KLHL6: variants seen among roughly 807,000 people sequenced by gnomAD.
The protein encoded by KLHL6 is kelch like family member 6.
KLHL6 carries 41 observed loss-of-function variants against 58.6 expected under a neutral mutation model. The observed-to-expected ratio is 0.70, with a 90% confidence interval of 0.55 to 0.91. The LOEUF (loss-of-function observed/expected upper bound fraction) is 0.91. Ranked by LOEUF, KLHL6 falls within the 40% of genes least tolerant of loss-of-function variation. KLHL6 has a pLI of 0.00. For missense variants in KLHL6, 714 were observed against 805.6 expected (o/e 0.89, Z 1.38); for synonymous variants, 338 against 322.7 (o/e 1.05, Z -0.51).
chr3:183,527,931 T>C lies in KLHL6; in HGVS notation c.373A>G (p.Thr125Ala), dbSNP rs774665982. The C allele has an allele frequency of 1.2e-6, 2 of 1,613,968 alleles. No individual in the cohort carries two copies. The highest frequency in any genetic ancestry group is 2.2e-5 in the South Asian group (2 of 91,068). The stretch of plus-strand genomic sequence containing the variant: ...CTGGTGTACGTGTAGTCCAACAGAG[T>C]GTGCATGGTCTCAGCATCAACCCCT... Reference protein sequence around the residue: ...IKGVDAETMHTLLDYTYTSKA... With the variant: ...IKGVDAETMHALLDYTYTSKA... The change falls in exon 2 of 7, where the codon ACT becomes GCT. Residue 125 changes from threonine (T) to alanine (A), a missense_variant. Thr to Ala is a moderately conservative substitution (Grantham distance 58, BLOSUM62 0). Coordinates refer to ENST00000341319, the MANE Select transcript of KLHL6 (RefSeq NM_130446.4).
At chr3:183,494,317 A>G in intron 4 of KLHL6, 36 bp from the exon 5 acceptor site, 1 of 1,541,476 alleles carries the variant, frequency 6.5e-7, no homozygotes. Context: ...AAACCATCAG[A>G]TGTGTCAGAA....
chr3:183,544,817 AGGGT>A (rs1712668508), intron 1 of KLHL6: 1 of 150,676 alleles, frequency 6.6e-6, no homozygotes, highest in South Asian at 2.1e-4. Context: ...TCTTTAGCCA[AGGGT>A]GGACTCCTAA....
intron 2 of KLHL6, among the ~76,000 whole-genome samples, chr3:183,523,746 C>T (rs1245878610): frequency 6.6e-6 from 1 of 151,446 alleles, no homozygotes; most frequent in Non-Finnish European, 1.5e-5. Flanking sequence ...TATTTGGCTA[C>T]ATTTCATGAG....
chr3:183,547,611 T>C (rs1241029903), intron 1 of KLHL6, among the ~76,000 whole-genome samples: 1 of 152,220 alleles, frequency 6.6e-6, no homozygotes, highest in African/African-American at 2.4e-5. Context: ...TCTCTCACTG[T>C]GGACATTTAG....
chr3:183,536,900 G>A (rs551634815), intron 1 of KLHL6, among the ~76,000 whole-genome samples: 21 of 152,210 alleles, frequency 1.4e-4, no homozygotes, highest in Admixed American at 7.8e-4. Context: ...TGCACGAATC[G>A]GCCTAAACAT....
At chr3:183,497,706 A>G (rs921967876) in intron 4 of KLHL6, among the ~76,000 whole-genome samples, 5 of 152,188 alleles carry the variant, frequency 3.3e-5, no homozygotes, top group Admixed American at 6.5e-5. Context: ...AGGCAGTGTC[A>G]GAAGATGGCA....
At chr3:183,547,426 GTTAT>G (rs757131324) in intron 1 of KLHL6, among the ~76,000 whole-genome samples, 5 of 152,108 alleles carry the variant, frequency 3.3e-5, no homozygotes, top group Non-Finnish European at 7.4e-5. Flanking sequence ...TCATTTTGGT[GTTAT>G]TTGTCTACCT....
In KLHL6 at chr3:183,491,819, G is replaced by T; in HGVS notation, c.*108C>A. Reference sequence around the variant, plus strand: ...AAGTGAGTCAAGGGGATCCCCTGATGTATGGCCTCAAACTCGAGCCTGCTG... The same window carrying T: ...AAGTGAGTCAAGGGGATCCCCTGATTTATGGCCTCAAACTCGAGCCTGCTG... On this transcript the variant is annotated 3_prime_UTR_variant, in exon 7 of 7. Coordinates refer to ENST00000341319, the MANE Select transcript of KLHL6 (RefSeq NM_130446.4). 1.0e-6 allele frequency: 1 copy of T among 1,002,230 alleles called. No homozygotes were observed. Among genetic ancestry groups the T allele is most frequent in the Non-Finnish European group, 1.4e-6 (1 of 720,972 alleles). 62.1% of individuals were successfully genotyped at this position (1,002,230 alleles called of 1,614,324 possible).
intron 1 of KLHL6, among the ~76,000 whole-genome samples, chr3:183,535,574 C>T (rs991638095): frequency 7.2e-5 from 11 of 152,184 alleles, no homozygotes; most frequent in East Asian, 1.9e-4. Context: ...TTATTTCACC[C>T]GGACTGTGAC....
chr3:183,538,637 C>T (rs181486177), intron 1 of KLHL6, among the ~76,000 whole-genome samples: 75 of 152,296 alleles, frequency 4.9e-4, no homozygotes, highest in African/African-American at 1.8e-3. Context: ...TGGATATAAA[C>T]ACAATGAAGT....
chr3:183,507,833 T>G (rs1718052677), intron 3 of KLHL6, among the ~76,000 whole-genome samples: 1 of 152,094 alleles, frequency 6.6e-6, no homozygotes, highest in Admixed American at 6.6e-5. Flanking sequence ...GCTGGGTGAT[T>G]TCTACATCTC....
chr3:183,501,344 C>T (rs1717861258), intron 3 of KLHL6, among the ~76,000 whole-genome samples: 1 of 152,224 alleles, frequency 6.6e-6, no homozygotes, highest in Admixed American at 6.5e-5. Flanking sequence ...AACCACCTTC[C>T]CCACAGCTGA....
chr3:183,528,296 A>C (rs1712046673), intron 1 of KLHL6, among the ~76,000 whole-genome samples: 3 of 152,190 alleles, frequency 2.0e-5, no homozygotes, highest in Non-Finnish European at 4.4e-5. Flanking sequence ...CAGGAGATTC[A>C]TCTGAGGGCA....
chr3:183,540,233 G>T (rs1221248727), intron 1 of KLHL6, among the ~76,000 whole-genome samples: 5 of 152,164 alleles, frequency 3.3e-5, no homozygotes, highest in African/African-American at 1.2e-4. Flanking sequence ...TTGCTGAGCT[G>T]GTGGACATGA....
intron 1 of KLHL6, among the ~76,000 whole-genome samples, chr3:183,551,306 G>C (rs76030487): frequency 0.03 from 4,536 of 152,172 alleles, 215 homozygotes; most frequent in African/African-American, 0.1. Flanking sequence ...CCCAGCCAGC[G>C]TGCAAATCCA....
chr3:183,511,511 G>A (rs936043230), intron 2 of KLHL6, among the ~76,000 whole-genome samples: 2 of 152,120 alleles, frequency 1.3e-5, no homozygotes, highest in Non-Finnish European at 1.5e-5. Context: ...CACGGGTGTC[G>A]GGCTGGGGGA....
At chr3:183,539,304 G>C (rs547982217) in intron 1 of KLHL6, among the ~76,000 whole-genome samples, 1 of 152,158 alleles carries the variant, frequency 6.6e-6, no homozygotes, top group African/African-American at 2.4e-5. Flanking sequence ...GCTGCCTCCC[G>C]AATCAGGTGG....
chr3:183,526,476 T>C (rs968337850), intron 2 of KLHL6, among the ~76,000 whole-genome samples: 5 of 152,314 alleles, frequency 3.3e-5, no homozygotes, highest in African/African-American at 1.2e-4. Flanking sequence ...GTGGGTTAAA[T>C]AGATATTTGG....
intron 2 of KLHL6, among the ~76,000 whole-genome samples, chr3:183,511,257 A>G (rs1208312253): frequency 6.6e-6 from 1 of 152,224 alleles, no homozygotes; most frequent in Non-Finnish European, 1.5e-5. Flanking sequence ...CGTAGGCCAG[A>G]TTTTTGCTTC....
Sources: gnomAD v4.1 joint callset for allele counts (sites outside exome capture counted in the v4.1 genomes callset) on GRCh38, gnomAD v4.1.1 for gene constraint, MANE v1.5 for transcripts, NCBI Gene and HGNC (gene_info 2026-07-23, HGNC 2026-07-21) for gene names.